Variants in SULF1 observed in about 807,000 individuals in gnomAD.
The protein encoded by SULF1 is sulfatase 1.
Under a neutral mutation model 110.5 loss-of-function variants are expected in SULF1, and 46 were observed. That is an observed-to-expected ratio of 0.42 (90% CI 0.33 to 0.53). SULF1 has a LOEUF of 0.53. Ranked by LOEUF, SULF1 falls within the 20% of genes least tolerant of loss-of-function variation. The pLI is 0.12. For synonymous variants in SULF1, 371 were observed against 387.1 expected, an observed-to-expected ratio of 0.96 and a Z score of 0.49; for missense variants, 941 against 1,094.2, an observed-to-expected ratio of 0.86 and a Z score of 1.98.
intron 3 of SULF1, among the ~76,000 whole-genome samples, chr8:69,520,135 AC>A (rs1812196738): frequency 6.6e-6 from 1 of 151,640 alleles, no homozygotes; most frequent in Non-Finnish European, 1.5e-5. Flanking sequence ...ACACACACAC[AC>A]ACACACACAC....
chr8:69,505,272 A>G (rs1488918733), intron 3 of SULF1, among the ~76,000 whole-genome samples: 1 of 152,176 alleles, frequency 6.6e-6, no homozygotes, highest in African/African-American at 2.4e-5. Flanking sequence ...TATGGAACAG[A>G]TTGCTTTTGT....
intron 13 of SULF1, among the ~76,000 whole-genome samples, chr8:69,606,601 T>C (rs1425695203): frequency 6.6e-6 from 1 of 152,214 alleles, no homozygotes; most frequent in African/African-American, 2.4e-5. Flanking sequence ...CAGTGTGTAA[T>C]TTTACAAACC....
At chr8:69,469,746 T>A (rs1404491218) in intron 1 of SULF1, among the ~76,000 whole-genome samples, 1 of 152,218 alleles carries the variant, frequency 6.6e-6, no homozygotes, top group African/African-American at 2.4e-5. Context: ...GGGTTTATTC[T>A]TTAAAAATCC....
At position 69,638,970 on chromosome 8, in the gene SULF1, A is replaced by G. The variant is rs576421001; in HGVS notation, c.2551+112A>G. 3 of 1,090,802 alleles carry G rather than the reference A, an allele frequency of 2.8e-6. No individual in the cohort carries two copies. In the African/African-American group the frequency reaches 4.8e-5, roughly 17 times the overall value. 67.6% of individuals were successfully genotyped at this position (1,090,802 alleles called of 1,614,324 possible). A position where few individuals can be genotyped will look rare whatever the true frequency, so the allele number is the denominator to read the frequency against. ...CAGAAACATATAATTCAAGATACTT[A>G]GAGGAGACACTTTCCAGGCAATTCT... On this transcript the variant is annotated intron_variant, in intron 21 of 22. Coordinates refer to ENST00000402687, the MANE Select transcript of SULF1 (RefSeq NM_001128205.2).
At chr8:69,485,846 G>C (rs372289992) in intron 1 of SULF1, among the ~76,000 whole-genome samples, 1 of 152,122 alleles carries the variant, frequency 6.6e-6, no homozygotes, top group African/African-American at 2.4e-5. Flanking sequence ...TTCTTGGACC[G>C]TGTTCATTTT....
intron 1 of SULF1, among the ~76,000 whole-genome samples, chr8:69,485,437 C>T (rs143225388): frequency 6.6e-6 from 1 of 152,286 alleles, no homozygotes; most frequent in East Asian, 1.9e-4. Flanking sequence ...TGGTTCAAAG[C>T]CTTATAGCAA....
At chr8:69,639,633 G>C (rs775870874) in intron 21 of SULF1, among the ~76,000 whole-genome samples, 2 of 152,174 alleles carry the variant, frequency 1.3e-5, no homozygotes, top group African/African-American at 4.8e-5. Context: ...CCTTGGCATG[G>C]CATGCCAACT....
intron 3 of SULF1, among the ~76,000 whole-genome samples, chr8:69,532,621 T>C (rs1002915837): frequency 1.3e-5 from 2 of 152,246 alleles, no homozygotes; most frequent in African/African-American, 2.4e-5. Flanking sequence ...TGAAAAAGAA[T>C]GTAAGAGGAA....
chr8:69,538,749 A>G (rs189576650), intron 3 of SULF1, among the ~76,000 whole-genome samples: 291 of 151,884 alleles, frequency 1.9e-3, no homozygotes, highest in Non-Finnish European at 2.4e-3. Flanking sequence ...CTGAAGTGCA[A>G]TGGTGCAATC....
At chr8:69,482,098 T>C (rs1809539503) in intron 1 of SULF1, among the ~76,000 whole-genome samples, 1 of 152,124 alleles carries the variant, frequency 6.6e-6, no homozygotes, top group Non-Finnish European at 1.5e-5. Flanking sequence ...ACTGTTGAAA[T>C]GAGAAAGAGC....
At chr8:69,546,510 T>A (rs1814268642) in intron 3 of SULF1, among the ~76,000 whole-genome samples, 6 of 152,190 alleles carry the variant, frequency 3.9e-5, no homozygotes, top group Admixed American at 3.9e-4. Context: ...TAAATTCCCA[T>A]AAAGCAGTCC....
At chr8:69,502,532 C>T (rs1220532046) in intron 3 of SULF1, among the ~76,000 whole-genome samples, 1 of 152,134 alleles carries the variant, frequency 6.6e-6, no homozygotes. Context: ...GGTACAACCT[C>T]ATGAGGCTTT....
intron 8 of SULF1, among the ~76,000 whole-genome samples, chr8:69,593,895 C>G (rs1025083273): frequency 6.6e-6 from 1 of 152,192 alleles, no homozygotes; most frequent in Non-Finnish European, 1.5e-5. Flanking sequence ...CTCTCCTCGC[C>G]TCAGTGATGT....
upstream of SULF1, among the ~76,000 whole-genome samples, chr8:69,488,470 G>A (rs183095208): frequency 2.0e-5 from 3 of 152,102 alleles, no homozygotes; most frequent in African/African-American, 7.2e-5. Flanking sequence ...GAAAACTCAG[G>A]GGCCCTGAAA....
intron 3 of SULF1, among the ~76,000 whole-genome samples, chr8:69,522,197 C>T (rs1812355590): frequency 6.6e-6 from 1 of 151,984 alleles, no homozygotes; most frequent in Non-Finnish European, 1.5e-5. Flanking sequence ...ACTACAGGTG[C>T]CCACCACCAC....
intron 18 of SULF1, among the ~76,000 whole-genome samples, chr8:69,629,276 C>T (rs995662798): frequency 1.6e-4 from 24 of 152,078 alleles, no homozygotes; most frequent in Middle Eastern, 3.2e-3. Context: ...TCAAGTGATC[C>T]GCCCACCTTA....
chr8:69,621,352 C>A (rs1809593838), intron 14 of SULF1, 101 bp downstream of exon 14: 4 of 744,660 alleles, frequency 5.4e-6, no homozygotes, highest in South Asian at 5.3e-5. Flanking sequence ...TAGATATTAT[C>A]AATGCATCAT....
At chr8:69,617,845 C>T (rs761291114) in intron 13 of SULF1, among the ~76,000 whole-genome samples, 1 of 152,194 alleles carries the variant, frequency 6.6e-6, no homozygotes, top group Admixed American at 6.5e-5. Context: ...ATTCATCCAT[C>T]CAACTGGAGT....
chr8:69,497,175 T>TG (rs1491093405), intron 2 of SULF1, among the ~76,000 whole-genome samples: 2 of 108,056 alleles, frequency 1.9e-5, no homozygotes, highest in Non-Finnish European at 3.9e-5. Flanking sequence ...TTTTTTTTTT[T>TG]GAGACAGAGT....
Sources: gnomAD v4.1 joint callset for allele counts (sites outside exome capture counted in the v4.1 genomes callset) on GRCh38, gnomAD v4.1.1 for gene constraint, MANE v1.5 for transcripts, NCBI Gene and HGNC (gene_info 2026-07-23, HGNC 2026-07-21) for gene names.